The following DOP1B variants were observed in gnomAD, a reference collection of about 807,000 sequenced individuals.
DOP1B encodes protein DOP1B.
In DOP1B, 174 loss-of-function variants were observed where a neutral mutation model predicts 233.5. The ratio of observed to expected loss-of-function variants is 0.75; its 90% confidence interval spans 0.66 to 0.85. The LOEUF is 0.85. DOP1B is among the 40% of genes least tolerant of loss of function. The probability of loss-of-function intolerance (pLI) is 0.00; values close to 1 mark genes in which losing one functional copy is unlikely to be tolerated. For synonymous variants in DOP1B, 1,190 were observed against 1,185.6 expected (o/e 1.00, Z -0.08); for missense variants, 2,652 against 2,846.6 (o/e 0.93, Z 1.56).
chr21:36,245,302 G>T lies in DOP1B; in HGVS notation c.3322G>T (p.Glu1108Ter). Reference protein sequence around the residue: ...RTAHGAPDSSEHTESADTSSC... With the variant: ...RTAHGAPDSS Reference sequence around the variant, plus strand: ...GGCCCACGGCGCCCCGGACAGCAGCGAGCACACCGAGTCTGCAGATACAAG... The same window carrying T: ...GGCCCACGGCGCCCCGGACAGCAGCTAGCACACCGAGTCTGCAGATACAAG... The change falls in exon 19 of 37, where the codon GAG becomes TAG. Residue 1108 changes from glutamate to a stop codon, truncating the protein, a stop_gained. Coordinates refer to ENST00000691173, the MANE Select transcript of DOP1B (RefSeq NM_001320714.2). LOFTEE classifies it high-confidence loss of function. This position sits in a 1 kb window ranked among gnomAD's most constrained non-coding sequence, Gnocchi z 5.5. The T allele has an allele frequency of 6.2e-7, 1 of 1,614,082 alleles. No individual in the cohort carries two copies.
chr21:36,187,217 C>T (rs1205451856), intron 2 of DOP1B, among the ~76,000 whole-genome samples: 1 of 142,794 alleles, frequency 7.0e-6, no homozygotes, highest in Non-Finnish European at 1.5e-5. Flanking sequence ...TTCCCCTCCT[C>T]TCCCCTCCCT....
chr21:36,288,279 C>A, intron 33 of DOP1B, 129 bp downstream of exon 33: 1 of 878,610 alleles, frequency 1.1e-6, no homozygotes, highest in Non-Finnish European at 1.7e-6. Flanking sequence ...GTTGGTAGCA[C>A]ATGGTTAGCT....
rs955523794 is a variant in DOP1B, at chr21:36,198,724, G to A, written c.139-346G>A. 3.3e-5 allele frequency among the ~76,000 whole-genome samples: 5 copies of A among 152,202 alleles called. No homozygotes were observed. In the South Asian group the frequency reaches 6.2e-4, roughly 19 times the overall value. On this transcript the variant is annotated intron_variant, in intron 2 of 36. Coordinates refer to ENST00000691173, the MANE Select transcript of DOP1B (RefSeq NM_001320714.2). ...TCTCCAACTGGTAGAAATGTCAGGC[G>A]TCACAGCCTGGAAGGCTTTAATCCC...
intron 2 of DOP1B, among the ~76,000 whole-genome samples, chr21:36,181,328 G>C (rs1355884322): frequency 1.3e-5 from 2 of 151,362 alleles, no homozygotes; most frequent in Admixed American, 1.3e-4. Flanking sequence ...AGTCAGGCTA[G>C]AGTGCAGTGG....
At chr21:36,258,577 A>C (rs983049378) in intron 23 of DOP1B, among the ~76,000 whole-genome samples, 1 of 152,162 alleles carries the variant, frequency 6.6e-6, no homozygotes, top group African/African-American at 2.4e-5. Flanking sequence ...CACATATGAC[A>C]CGGGGCAGCC....
chr21:36,241,558 G>A (rs1051414435), intron 18 of DOP1B, among the ~76,000 whole-genome samples: 2 of 133,628 alleles, frequency 1.5e-5, no homozygotes, highest in Non-Finnish European at 3.1e-5. Context: ...ACCCAAGCTG[G>A]AGTGCAGTGG....
At position 36,289,135 on chromosome 21, in the gene DOP1B, G is replaced by A. The variant is rs775640760; in HGVS notation, c.6444G>A (p.Leu2148=). 1 of 1,614,046 alleles carries A rather than the reference G, an allele frequency of 6.2e-7. No homozygotes were observed. The highest frequency in any genetic ancestry group is 8.5e-7 in the Non-Finnish European group (1 of 1,179,962). Residue 2148 remains leucine (L), a synonymous_variant, in exon 35 of 37, where the codon TTG becomes TTA. Coordinates refer to ENST00000691173, the MANE Select transcript of DOP1B (RefSeq NM_001320714.2). ...VGEIPQSELI[L]YLSACKFLDT... ...AGATACCCCAGAGTGAACTCATCTTGTATTTATCAGCTTGCAAATTCTTGG... is the reference window on the plus strand; with the variant it reads ...AGATACCCCAGAGTGAACTCATCTTATATTTATCAGCTTGCAAATTCTTGG...
chr21:36,273,634 C>A (rs566122980), intron 27 of DOP1B, among the ~76,000 whole-genome samples: 16 of 152,156 alleles, frequency 1.1e-4, no homozygotes, highest in African/African-American at 3.9e-4. Context: ...AAGGCACTGC[C>A]CCGAGGGGAT....
intron 23 of DOP1B, among the ~76,000 whole-genome samples, chr21:36,258,056 TGTAG>T (rs1207824959): frequency 6.6e-6 from 1 of 151,008 alleles, no homozygotes; most frequent in Non-Finnish European, 1.5e-5. Context: ...GGTAGATAGA[TGTAG>T]GTAGGTAGGT....
chr21:36,287,579 C>CTTTTTTTTTTTTTTTTT (rs869203517), intron 32 of DOP1B, among the ~76,000 whole-genome samples: 1 of 73,124 alleles, frequency 1.4e-5, no homozygotes, highest in Non-Finnish European at 2.4e-5. Context: ...TCCTAACATT[C>CTTTTTTTTTTTTTTTTT]TTTTTTTTTT....
At chr21:36,166,452 G>A (rs759497416) in intron 2 of DOP1B, among the ~76,000 whole-genome samples, 3 of 151,428 alleles carry the variant, frequency 2.0e-5, no homozygotes, top group African/African-American at 4.9e-5. Context: ...AAAAAAAATT[G>A]TCTTCCACGA....
chr21:36,168,492 G>A (rs2065937623), intron 2 of DOP1B, among the ~76,000 whole-genome samples: 2 of 151,830 alleles, frequency 1.3e-5, no homozygotes, highest in Admixed American at 6.6e-5. Flanking sequence ...AAAGCAATGC[G>A]TGAGTGTTCC....
At chr21:36,202,284 A>C (rs2066377365) in intron 4 of DOP1B, among the ~76,000 whole-genome samples, 1 of 152,210 alleles carries the variant, frequency 6.6e-6, no homozygotes, top group Non-Finnish European at 1.5e-5. Context: ...CTTCCAGCTT[A>C]TTAACTCTTC....
intron 20 of DOP1B, 71 bp downstream of exon 20, chr21:36,247,699 C>A: frequency 8.8e-7 from 1 of 1,132,772 alleles, no homozygotes; most frequent in South Asian, 1.5e-5. Context: ...ATGACTGTTT[C>A]AAATAAGTAA....
chr21:36,230,740 A>G lies in DOP1B; in HGVS notation c.1956A>G (p.Glu652=), dbSNP rs117763400. The change falls in exon 14 of 37, where the codon GAA becomes GAG. Residue 652 remains glutamate, a synonymous_variant. Transcript: ENST00000691173. ...GAGTACAGCTGACAGCGTCAGGAGA[A>G]GAAAGCAAGTCCGAGGAGCCTGCAG... ...IFGVQLTASG[E]ESKSEEPAGK... 7,505 of 1,614,234 alleles carry G rather than the reference A, an allele frequency of 4.6e-3. 34 individuals carry two copies. The highest frequency in any genetic ancestry group is 5.1e-3 in the Non-Finnish European group (6,073 of 1,180,036).
intron 36 of DOP1B, 26 bp downstream of exon 36, chr21:36,292,259 T>TC (rs773216588): frequency 1.4e-5 from 20 of 1,400,598 alleles, no homozygotes; most frequent in Non-Finnish European, 1.8e-5. Flanking sequence ...TTCTTTTCTT[T>TC]TTTTTTTTTT....
intron 18 of DOP1B, among the ~76,000 whole-genome samples, chr21:36,242,318 G>A (rs940935225): frequency 6.6e-5 from 10 of 151,820 alleles, no homozygotes; most frequent in Admixed American, 2.0e-4. Context: ...GATTACAGGC[G>A]CTGGCCACCA....
chr21:36,265,514 C>T (rs556768535), intron 26 of DOP1B, among the ~76,000 whole-genome samples: 3 of 152,370 alleles, frequency 2.0e-5, no homozygotes, highest in African/African-American at 4.8e-5. Context: ...CGATGCTGCA[C>T]GTCCAGGTGC....
In DOP1B at chr21:36,270,020, C is replaced by G. The variant is rs138528690; in HGVS notation, c.5495C>G (p.Thr1832Ser). ...CCTCCTGATAATTCTCAGGAAATCA[C>G]TCAGAAAATCCTAGAAGCTGTGGGG... ...KKDQKDLQEI[T>S]QKILEAVGNI... Residue 1832 changes from threonine (T) to serine (S), a missense_variant, in exon 27 of 37, where the codon ACT becomes AGT. Physicochemically the swap from Thr to Ser is moderately conservative, Grantham distance 58. Around this residue, in one of 3 missense-constraint regions of DOP1B, gnomAD observed 2,617 missense variants for 2,794.3 expected, o/e 0.94. Coordinates refer to ENST00000691173, the MANE Select transcript of DOP1B (RefSeq NM_001320714.2). The G allele has an allele frequency of 1.0e-3, 1,635 of 1,613,900 alleles. 12 individuals carry two copies. Among genetic ancestry groups the G allele is most frequent in the Admixed American group, 7.0e-3 (422 of 59,926 alleles).
Sources: allele counts gnomAD v4.1 joint callset (sites outside exome capture counted in the v4.1 genomes callset), GRCh38; gene constraint gnomAD v4.1.1; regional missense constraint gnomAD v4.1.1; non-coding constraint Gnocchi (gnomAD v3.1); transcripts MANE v1.5; gene names NCBI Gene and HGNC (gene_info 2026-07-23, HGNC 2026-07-21).